ANXA6: variants seen among roughly 807,000 people sequenced by gnomAD.
ANXA6 encodes annexin A6.
ANXA6 carries 71 observed loss-of-function variants against 95.4 expected under a neutral mutation model. That is an observed-to-expected ratio of 0.74 (90% CI 0.61 to 0.91). The LOEUF (loss-of-function observed/expected upper bound fraction) is 0.91, where lower values mean the gene tolerates loss of function less well. Among genes scored for constraint, ANXA6 ranks in the 40% least tolerant of loss-of-function variants. ANXA6 has a pLI of 0.00. For synonymous variants in ANXA6, 289 were observed against 315.9 expected (o/e 0.91, Z 0.90); for missense variants, 830 against 876.4 (o/e 0.95, Z 0.67).
chr5:151,111,559 C>T (rs1764850026), intron 20 of ANXA6, among the ~76,000 whole-genome samples: 1 of 152,170 alleles, frequency 6.6e-6, no homozygotes, highest in Admixed American at 6.5e-5. Flanking sequence ...AAAAGCCTTC[C>T]ACGATAGAAT....
chr5:151,109,268 T>TC (rs1448783936), intron 22 of ANXA6, among the ~76,000 whole-genome samples: 5 of 152,138 alleles, frequency 3.3e-5, no homozygotes, highest in Non-Finnish European at 5.9e-5. Context: ...AATGTAAATG[T>TC]CTCAGTGCAG....
In ANXA6 at chr5:151,105,293, G is replaced by A; in HGVS notation, c.1791C>T (p.Val597=). 6.2e-7 allele frequency: 1 copy of A among 1,613,894 alleles called. No individual in the cohort carries two copies. The stretch of plus-strand genomic sequence containing the variant: ...CGGCAAAGAAGAGAGGCTTGTTCTT[G>A]ACACTTTGAACTGGTAGGAAGAGCA... The part of the protein sequence containing the change: ...RDAFVAIVQS[V]KNKPLFFADK... The change falls in exon 24 of 26, where the codon GTC becomes GTT. Residue 597 remains valine (V), a synonymous_variant. Coordinates refer to ENST00000354546, the MANE Select transcript of ANXA6 (RefSeq NM_001155.5).
intron 7 of ANXA6, among the ~76,000 whole-genome samples, chr5:151,135,498 G>A (rs1485704133): frequency 1.3e-5 from 2 of 152,182 alleles, no homozygotes; most frequent in Non-Finnish European, 2.9e-5. Flanking sequence ...ACATAGTGGT[G>A]GCTTAATTTA....
chr5:151,119,295 C>A lies in ANXA6; in HGVS notation c.1438+5G>T, dbSNP rs1765093459. On this transcript the variant is annotated splice_donor_5th_base_variant and intron_variant, in intron 18 of 25. Transcript: ENST00000354546. The stretch of plus-strand genomic sequence containing the variant: ...AGCATCTGGGCCCAGGCCTCCCAAA[C>A]TCACCCTCCTTATAGGCCTCATTGA... The A allele has an allele frequency of 1.2e-6, 2 of 1,612,394 alleles. No individual in the cohort carries two copies. Among genetic ancestry groups the A allele is most frequent in the African/African-American group, 2.7e-5 (2 of 74,908 alleles).
intron 18 of ANXA6, among the ~76,000 whole-genome samples, 138 bp downstream of exon 18, chr5:151,119,147 ACAGGGATGGGCACAC>A (rs1347287325): frequency 6.6e-6 from 1 of 152,144 alleles, no homozygotes; most frequent in Non-Finnish European, 1.5e-5. Flanking sequence ...TTCCCCAGAC[ACAGGGATGGGCACAC>A]CCAAGAGGCT....
intron 24 of ANXA6, among the ~76,000 whole-genome samples, chr5:151,104,949 A>C (rs909760302): frequency 6.6e-6 from 1 of 152,214 alleles, no homozygotes; most frequent in Non-Finnish European, 1.5e-5. Context: ...GAGGTTGTTT[A>C]ACAGCATCCC....
rs745882473 is a variant in ANXA6, at chr5:151,139,388, CCTGCCT to C, written c.163_168del (p.Arg55_Gln56del). On this transcript the variant is annotated inframe_deletion, in exon 4 of 26. Coordinates refer to ENST00000354546, the MANE Select transcript of ANXA6 (RefSeq NM_001155.5). Reference sequence around the variant, plus strand: ...AGGGACTTGTAGCTCTGGCAGACCTCCTGCCTCTGCCTGTTGCTCCGTGAGGTGATT... The same window carrying C: ...AGGGACTTGTAGCTCTGGCAGACCTCCTGCCTGTTGCTCCGTGAGGTGATT... The C allele has an allele frequency of 6.2e-7, 1 of 1,613,458 alleles. No individual in the cohort carries two copies. The highest frequency in any genetic ancestry group is 8.5e-7 in the Non-Finnish European group (1 of 1,179,570).
intron 9 of ANXA6, 71 bp downstream of exon 9, chr5:151,133,023 G>GAAAAA (rs1209602827): frequency 3.5e-5 from 41 of 1,163,282 alleles, no homozygotes; most frequent in Middle Eastern, 1.9e-4. Flanking sequence ...GTAAAGAAAA[G>GAAAAA]AAAAGAGATA....
chr5:151,137,145 A>T, intron 6 of ANXA6, 86 bp downstream of exon 6: 1 of 1,136,380 alleles, frequency 8.8e-7, no homozygotes, highest in Non-Finnish European at 1.3e-6. Flanking sequence ...GAGAAGGTAG[A>T]TGGCTAGAAT....
In ANXA6 at chr5:151,104,884, A is replaced by G. The variant is rs557234074; in HGVS notation, c.1839+361T>C. Reference sequence around the variant, plus strand: ...GTGTGCCTCCAGAGCACATTTCTCAACCTTGGCATTTGGGGCTGGATAATT... The same window carrying G: ...GTGTGCCTCCAGAGCACATTTCTCAGCCTTGGCATTTGGGGCTGGATAATT... On this transcript the variant is annotated intron_variant, in intron 24 of 25. Transcript: ENST00000354546. Among the ~76,000 whole-genome samples the G allele has an allele frequency of 3.3e-5, 5 of 152,338 alleles. No individual in the cohort carries two copies. The East Asian group carries it at 9.6e-4, about 29-fold the overall frequency.
chr5:151,148,423 G>A (rs1766023852), intron 1 of ANXA6, among the ~76,000 whole-genome samples: 1 of 152,154 alleles, frequency 6.6e-6, no homozygotes, highest in South Asian at 2.1e-4. Context: ...AACAAGGATG[G>A]CTTCAGAACC....
At chr5:151,144,078 T>C (rs1018787293) in intron 2 of ANXA6, among the ~76,000 whole-genome samples, 1 of 152,096 alleles carries the variant, frequency 6.6e-6, no homozygotes, top group Non-Finnish European at 1.5e-5. Context: ...CTGGAGAAGA[T>C]GATGGGGATA....
chr5:151,125,749 C>T (rs1053175191), intron 14 of ANXA6, among the ~76,000 whole-genome samples: 2 of 152,092 alleles, frequency 1.3e-5, no homozygotes, highest in Admixed American at 1.3e-4. Context: ...GATCTCTTGC[C>T]TTATCATTTG....
Position 151,140,223 on chromosome 5 carries a change from G to T in ANXA6, c.39C>A (p.Ser13=), listed in dbSNP as rs1172191660. 28 of 1,613,794 alleles carry T rather than the reference G, an allele frequency of 1.7e-5. No individual in the cohort carries two copies. In the Admixed American group the frequency reaches 4.7e-4, roughly 27 times the overall value. ...KPAQGAKYRG[S]IHDFPGFDPN... ...GGTCAAAGCCTGGGAAGTCATGGAT[G>T]GAGCCCCGGTACTTGGCACCCTGTG... The change falls in exon 3 of 26, where the codon TCC becomes TCA. Residue 13 remains serine, a synonymous_variant. Transcript: ENST00000354546.
At chr5:151,157,176 GCT>G (rs1216851767) in intron 1 of ANXA6, among the ~76,000 whole-genome samples, 1 of 152,176 alleles carries the variant, frequency 6.6e-6, no homozygotes, top group African/African-American at 2.4e-5. Flanking sequence ...CGGACGTTCA[GCT>G]CTCTGCACGC....
intron 11 of ANXA6, among the ~76,000 whole-genome samples, chr5:151,130,612 G>A (rs978926766): frequency 3.3e-5 from 5 of 152,202 alleles, no homozygotes; most frequent in Admixed American, 6.5e-5. Context: ...TCTCTCTAGG[G>A]CTGAGCTGCC....
chr5:151,114,622 A>T (rs1158875434), intron 20 of ANXA6, among the ~76,000 whole-genome samples: 14 of 34,774 alleles, frequency 4.0e-4, no homozygotes, highest in African/African-American at 2.4e-3. Context: ...TTAAAAAAAA[A>T]AAAAAAAAAA....
intron 17 of ANXA6, 131 bp from the exon 18 acceptor site, chr5:151,119,521 A>C: frequency 1.4e-6 from 1 of 708,798 alleles, no homozygotes; most frequent in Non-Finnish European, 2.4e-6. Flanking sequence ...CATGGCCCTC[A>C]GGCCCAAGAC....
intron 6 of ANXA6, 85 bp downstream of exon 6, chr5:151,137,146 T>C (rs1765685831): frequency 2.6e-6 from 3 of 1,149,224 alleles, no homozygotes; most frequent in Non-Finnish European, 3.8e-6. Context: ...AGAAGGTAGA[T>C]GGCTAGAATC....
Sources: gnomAD v4.1 joint callset for allele counts (sites outside exome capture counted in the v4.1 genomes callset) on GRCh38, gnomAD v4.1.1 for gene constraint, MANE v1.5 for transcripts, NCBI Gene and HGNC (gene_info 2026-07-23, HGNC 2026-07-21) for gene names.